Variants in CAMK2D observed in about 807,000 individuals in gnomAD.
CAMK2D encodes the protein calcium/calmodulin dependent protein kinase II delta.
In CAMK2D, 37 loss-of-function variants were observed where a neutral mutation model predicts 84.0. The observed-to-expected ratio is 0.44, with a 90% CI of 0.34 to 0.58. CAMK2D has a LOEUF of 0.58. Among genes scored for constraint, CAMK2D ranks in the 20% least tolerant of loss-of-function variants. The pLI is 0.02. For missense variants in CAMK2D, 448 were observed against 652.5 expected (o/e 0.69, Z 3.41); for synonymous variants, 202 against 212.5 (o/e 0.95, Z 0.43).
At chr4:113,461,893 A>G (rs2097379301) in intron 17 of CAMK2D, among the ~76,000 whole-genome samples, 1 of 152,184 alleles carries the variant, frequency 6.6e-6, no homozygotes, top group Admixed American at 6.5e-5. Flanking sequence ...AGAACGTGGA[A>G]CCGGTGTTAT....
intron 2 of CAMK2D, among the ~76,000 whole-genome samples, chr4:113,729,079 AT>A: frequency 6.6e-6 from 1 of 152,166 alleles, no homozygotes; most frequent in African/African-American, 2.4e-5. Flanking sequence ...AAGACACAGG[AT>A]TGCATTTGCA....
chr4:113,552,126 A>T, intron 4 of CAMK2D, 30 bp from the exon 5 acceptor site: 2 of 1,218,480 alleles, frequency 1.6e-6, no homozygotes, highest in Non-Finnish European at 2.4e-6. Context: ...AATCACTTTT[A>T]AAAAGAAGCA....
intron 2 of CAMK2D, chr4:113,754,676 A>G (rs539098007): frequency 5.8e-4 from 559 of 962,244 alleles, no homozygotes; most frequent in Non-Finnish European, 6.4e-4. Context: ...GGAAGTGTGG[A>G]TATACTTTTT....
At chr4:113,461,158 G>T (rs2097368593) in intron 17 of CAMK2D, among the ~76,000 whole-genome samples, 2 of 152,142 alleles carry the variant, frequency 1.3e-5, no homozygotes, top group South Asian at 2.1e-4. Context: ...TCAACAGAAG[G>T]TTCAAATGCT....
At chr4:113,530,997 T>C (rs534592683) in intron 8 of CAMK2D, among the ~76,000 whole-genome samples, 1 of 152,136 alleles carries the variant, frequency 6.6e-6, no homozygotes, top group Non-Finnish European at 1.5e-5. Context: ...GGCAGGAGAA[T>C]TGCTTAAACC....
chr4:113,510,324 A>G lies in CAMK2D; in HGVS notation c.947-649T>C, dbSNP rs115412948. ...CTTTTATACATTAAAATCAGAATAC[A>G]AAGGCTTCATAAACAAAAGCCTTTA... On this transcript the variant is annotated intron_variant, in intron 12 of 20. Coordinates refer to ENST00000511664, the MANE Select transcript of CAMK2D (RefSeq NM_001321571.2). 2.1e-3 allele frequency among the ~76,000 whole-genome samples: 320 copies of G among 152,352 alleles called. 2 individuals carry two copies. The highest frequency in any genetic ancestry group is 7.4e-3 in the African/African-American group (309 of 41,586).
intron 2 of CAMK2D, among the ~76,000 whole-genome samples, chr4:113,732,093 G>T (rs764397051): frequency 2.4e-4 from 36 of 151,616 alleles, no homozygotes; most frequent in African/African-American, 5.6e-4. Context: ...TCCAGCAGGT[G>T]TCTAGACTCT....
chr4:113,704,724 C>T (rs1190356898), intron 2 of CAMK2D, among the ~76,000 whole-genome samples: 1 of 151,786 alleles, frequency 6.6e-6, no homozygotes, highest in African/African-American at 2.4e-5. Context: ...ACCGTGAATC[C>T]ACAAAAGTTT....
chr4:113,492,843 A>G (rs1468469598), intron 16 of CAMK2D, among the ~76,000 whole-genome samples: 12 of 135,982 alleles, frequency 8.8e-5, no homozygotes, highest in Middle Eastern at 6.5e-3. Flanking sequence ...GGGTGCATAT[A>G]TATTTAGGAT....
intron 13 of CAMK2D, 59 bp downstream of exon 13, chr4:113,509,579 T>G: frequency 9.4e-7 from 1 of 1,066,470 alleles, no homozygotes; most frequent in South Asian, 1.3e-5. Context: ...TATATAACAT[T>G]TAAAGATTAT....
chr4:113,609,602 C>T (rs1446974605), intron 3 of CAMK2D, among the ~76,000 whole-genome samples: 1 of 152,134 alleles, frequency 6.6e-6, no homozygotes, highest in Admixed American at 6.5e-5. Flanking sequence ...ACTTCCTTGC[C>T]ACTCTCTTTG....
chr4:113,463,866 T>C (rs773955942), intron 17 of CAMK2D, among the ~76,000 whole-genome samples: 3 of 152,202 alleles, frequency 2.0e-5, no homozygotes, highest in Non-Finnish European at 2.9e-5. Context: ...TTTTCACTAT[T>C]ATGAATTTTG....
chr4:113,509,063 A>C (rs1466080198), intron 13 of CAMK2D, among the ~76,000 whole-genome samples: 1 of 152,244 alleles, frequency 6.6e-6, no homozygotes, highest in Non-Finnish European at 1.5e-5. Context: ...GAAAGTAAAA[A>C]TATCCTGCTG....
At chr4:113,462,314 G>GTCTATCTA (rs1589695300) in intron 17 of CAMK2D, among the ~76,000 whole-genome samples, 2 of 105,472 alleles carry the variant, frequency 1.9e-5, no homozygotes, top group South Asian at 2.7e-4. Flanking sequence ...CTGTCTGTCT[G>GTCTATCTA]TCTGTCTGTC....
At chr4:113,722,819 T>C (rs1426072384) in intron 2 of CAMK2D, among the ~76,000 whole-genome samples, 1 of 152,124 alleles carries the variant, frequency 6.6e-6, no homozygotes, top group Non-Finnish European at 1.5e-5. Flanking sequence ...CCAAAACCCC[T>C]TGCCTAATAC....
chr4:113,563,111 G>A (rs1254009537), intron 4 of CAMK2D, among the ~76,000 whole-genome samples: 1 of 151,676 alleles, frequency 6.6e-6, no homozygotes, highest in Non-Finnish European at 1.5e-5. Context: ...AAAGTTAGCT[G>A]GGCCTGGTGG....
chr4:113,715,370 T>C (rs933893010), intron 2 of CAMK2D, among the ~76,000 whole-genome samples: 2 of 152,096 alleles, frequency 1.3e-5, no homozygotes, highest in African/African-American at 4.8e-5. Context: ...TTAAATATTA[T>C]TTTTTAGAGT....
chr4:113,466,090 G>A (rs1964212), intron 16 of CAMK2D, among the ~76,000 whole-genome samples: 85,130 of 150,010 alleles, frequency 0.57, 24,250 homozygotes, highest in East Asian at 0.67. Flanking sequence ...CATCTCTACT[G>A]AAAAAAAAAT....
chr4:113,655,791 T>A (rs1224207076), intron 3 of CAMK2D, among the ~76,000 whole-genome samples: 1 of 152,106 alleles, frequency 6.6e-6, no homozygotes, highest in Non-Finnish European at 1.5e-5. Flanking sequence ...TTTTTTCTTT[T>A]CCTTTCCTGG....
Sources: gnomAD v4.1 joint callset for allele counts (sites outside exome capture counted in the v4.1 genomes callset) on GRCh38, gnomAD v4.1.1 for gene constraint, MANE v1.5 for transcripts, NCBI Gene and HGNC (gene_info 2026-07-23, HGNC 2026-07-21) for gene names.